Variants in ZNF235 observed in about 807,000 individuals in gnomAD.
The protein encoded by ZNF235 is zinc finger protein 235.
A neutral mutation model predicts 29.4 loss-of-function variants in ZNF235; 25 were observed. That is an observed-to-expected ratio of 0.85 (90% CI 0.62 to 1.19). The LOEUF is 1.19. Ranked by LOEUF, ZNF235 falls within the 50% of genes most tolerant of loss-of-function variation. The pLI, the probability that ZNF235 is intolerant of heterozygous loss-of-function variation, is 0.00. For synonymous variants in ZNF235, 300 were observed against 295.3 expected (o/e 1.02, Z -0.16); for missense variants, 788 against 885.0 (o/e 0.89, Z 1.39).
chr19:44,295,208 A>C (rs190061110), intron 4 of ZNF235, among the ~76,000 whole-genome samples: 176 of 152,292 alleles, frequency 1.2e-3, no homozygotes, highest in Admixed American at 3.2e-3. Context: ...CCTCCAAAAG[A>C]ATCCTAGATT....
chr19:44,293,413 G>A (rs1402595505), intron 4 of ZNF235, among the ~76,000 whole-genome samples: 1 of 150,866 alleles, frequency 6.6e-6, no homozygotes, highest in Non-Finnish European at 1.5e-5. Context: ...CAAACATCAG[G>A]GCACCCAAAT....
chr19:44,289,011 G>A lies in ZNF235; in HGVS notation c.424C>T (p.Gln142Ter), dbSNP rs138793739. 6.2e-7 allele frequency: 1 copy of A among 1,614,132 alleles called. No individual in the cohort carries two copies. The highest frequency in any genetic ancestry group is 1.3e-5 in the African/African-American group (1 of 75,050). Residue 142 changes from glutamine (Q) to a stop codon, truncating the protein, a stop_gained, in exon 5 of 5, where the codon CAA (glutamine) becomes TAA (stop). Coordinates refer to ENST00000291182, the MANE Select transcript of ZNF235 (RefSeq NM_004234.4). LOFTEE classifies it low-confidence loss of function (END_TRUNC). ...QFPKHHDSPC[Q>*]VGAGESIQAS... Reference sequence around the variant, plus strand: ...TGAATAGATTCTCCTGCTCCCACTTGACAGGGGGAATCATGGTGCTTGGGG... The same window carrying A: ...TGAATAGATTCTCCTGCTCCCACTTAACAGGGGGAATCATGGTGCTTGGGG...
intron 4 of ZNF235, among the ~76,000 whole-genome samples, chr19:44,296,115 T>A (rs4802218): frequency 6.6e-6 from 1 of 151,930 alleles, no homozygotes; most frequent in Admixed American, 6.6e-5. Flanking sequence ...TAAATACATA[T>A]GAGCCCATAC....
chr19:44,304,753 C>G (rs1005172472), intron 1 of ZNF235: 2 of 985,334 alleles, frequency 2.0e-6, no homozygotes, highest in African/African-American at 1.7e-5. Context: ...TGCGTGAGGA[C>G]GGCTAGGGCA....
intron 4 of ZNF235, among the ~76,000 whole-genome samples, chr19:44,297,527 G>A (rs1422062725): frequency 2.6e-5 from 4 of 152,096 alleles, no homozygotes; most frequent in Non-Finnish European, 5.9e-5. Flanking sequence ...GCAATGGTGC[G>A]ATTTCGGCTC....
At chr19:44,290,299 A>T (rs1344816534) in intron 4 of ZNF235, 1 of 153,626 alleles carries the variant, frequency 6.5e-6, no homozygotes, top group Non-Finnish European at 1.4e-5. Flanking sequence ...CATTGGGAAA[A>T]GACACTTGTC....
chr19:44,300,896 A>AT (rs1555800266), intron 2 of ZNF235, among the ~76,000 whole-genome samples: 1 of 151,970 alleles, frequency 6.6e-6, no homozygotes, highest in Non-Finnish European at 1.5e-5. Flanking sequence ...ATTGTAAAAA[A>AT]ATATATATAC....
intron 4 of ZNF235, among the ~76,000 whole-genome samples, chr19:44,294,337 T>C (rs1315018559): frequency 2.0e-5 from 3 of 152,026 alleles, no homozygotes; most frequent in Admixed American, 2.0e-4. Context: ...CCTCCCAAGA[T>C]TGAGCCCATC....
intron 4 of ZNF235, among the ~76,000 whole-genome samples, chr19:44,291,594 GTA>G (rs1214464335): frequency 2.6e-5 from 4 of 152,090 alleles, no homozygotes; most frequent in African/African-American, 9.7e-5. Flanking sequence ...TATAGATCCT[GTA>G]TATATTATTA....
At position 44,303,412 on chromosome 19, in the gene ZNF235, C is replaced by T. The variant is rs1568648067; in HGVS notation, c.-8G>A. The stretch of plus-strand genomic sequence containing the variant: ...TACCTGGAACTTGGTCATTTTTCCC[C>T]TCCTCCTTCTGGGAAAAGGCAGAGT... On this transcript the variant is annotated 5_prime_UTR_variant, in exon 2 of 5. Transcript: ENST00000291182. 1.2e-6 allele frequency: 2 copies of T among 1,610,444 alleles called. No homozygotes were observed. Among genetic ancestry groups the T allele is most frequent in the East Asian group, 4.5e-5 (2 of 44,684 alleles).
rs1410685315 is a variant in ZNF235 at position 44,286,706 on chromosome 19, G to A, written c.*512C>T. 6.6e-6 allele frequency: 1 copy of A among 152,290 alleles called. No homozygotes were observed. The highest frequency in any genetic ancestry group is 6.5e-5 in the Admixed American group (1 of 15,270). The allele number at this position is 152,290 out of a possible 1,614,324, so 9.4% of individuals were successfully genotyped here. ...TATAAATTAATATAAATTTAGAGTA[G>A]AAAACAGACTAGAATTTTCAAGTAT... is the stretch of plus-strand genomic sequence containing the variant. On this transcript the variant is annotated 3_prime_UTR_variant, in exon 5 of 5. Coordinates refer to ENST00000291182, the MANE Select transcript of ZNF235 (RefSeq NM_004234.4).
chr19:44,299,554 T>C, intron 3 of ZNF235, 52 bp downstream of exon 3: 2 of 1,604,520 alleles, frequency 1.2e-6, no homozygotes, highest in Non-Finnish European at 1.7e-6. Context: ...AAAACATCAA[T>C]GGCATGGAGG....
Position 44,289,031 on chromosome 19 carries a change from T to C in ZNF235, c.404A>G (p.Lys135Arg), listed in dbSNP as rs1331358906. The C allele has an allele frequency of 6.2e-7, 1 of 1,614,030 alleles. No individual in the cohort carries two copies. The highest frequency in any genetic ancestry group is 1.3e-5 in the African/African-American group (1 of 74,924). Reference protein sequence around the residue: ...NIEGKSSQFPKHHDSPCQVGA... With the variant: ...NIEGKSSQFPRHHDSPCQVGA... ...CACTTGACAGGGGGAATCATGGTGCTTGGGGAACTGAGAGCTCTTTCCTTC... is the reference window on the plus strand; with the variant it reads ...CACTTGACAGGGGGAATCATGGTGCCTGGGGAACTGAGAGCTCTTTCCTTC... The change falls in exon 5 of 5, where the codon AAG (lysine) becomes AGG (arginine). Residue 135 changes from lysine (K) to arginine (R), a missense_variant. By Grantham distance (26) the Lys-to-Arg change is conservative (BLOSUM62 2). Coordinates refer to ENST00000291182, the MANE Select transcript of ZNF235 (RefSeq NM_004234.4).
chr19:44,288,408 C>T lies in ZNF235; in HGVS notation c.1027G>A (p.Gly343Arg). 6.2e-7 allele frequency: 1 copy of T among 1,614,074 alleles called. No individual in the cohort carries two copies. Residue 343 changes from glycine (G) to arginine (R), a missense_variant, in exon 5 of 5, where the codon GGG becomes AGG. Physicochemically the swap from Gly to Arg is moderately radical, Grantham distance 125. Transcript: ENST00000291182. ...NLQTHQRVHT[G>R]EKPYTCHECG... is the part of the protein sequence containing the mutation. ...TCGTGGCATGTATAGGGTTTCTCCC[C>T]TGTGTGGACTCTCTGATGAGTTTGC...
chr19:44,302,969 TATATGTATATA>T (rs1469183014), intron 2 of ZNF235, among the ~76,000 whole-genome samples: 18 of 131,966 alleles, frequency 1.4e-4, no homozygotes, highest in Admixed American at 6.0e-4. Flanking sequence ...TATATACGTA[TATATGTATATA>T]TTTATATATA....
Position 44,287,443 on chromosome 19 carries a change from G to T in ZNF235, c.1992C>A (p.Phe664Leu), listed in dbSNP as rs761952661. The T allele has an allele frequency of 1.2e-6, 2 of 1,613,744 alleles. No homozygotes were observed. The highest frequency in any genetic ancestry group is 1.7e-6 in the Non-Finnish European group (2 of 1,179,872). Residue 664 changes from phenylalanine (F) to leucine (L), a missense_variant, in exon 5 of 5, where the codon TTC becomes TTA. Physicochemically the swap from Phe to Leu is conservative, Grantham distance 22 (BLOSUM62 0). Transcript: ENST00000291182. ...PFKCEECGKEFSWSAGLSAHQ... is the reference protein window; with the variant it reads ...PFKCEECGKELSWSAGLSAHQ... ...GGGCACTGAGACCAGCACTCCAACT[G>T]AATTCTTTCCCACATTCCTCACATT...
chr19:44,289,282 C>G, intron 4 of ZNF235, 86 bp from the exon 5 acceptor site: 1 of 1,265,656 alleles, frequency 7.9e-7, no homozygotes, highest in South Asian at 1.8e-5. Flanking sequence ...TCTCATTTTC[C>G]CCATGGAAAC....
chr19:44,298,706 T>A, intron 4 of ZNF235, 102 bp downstream of exon 4: 3 of 918,298 alleles, frequency 3.3e-6, no homozygotes, highest in South Asian at 1.7e-5. Flanking sequence ...ATGACAGATG[T>A]TTTTTAAAAA....
intron 4 of ZNF235, among the ~76,000 whole-genome samples, chr19:44,294,899 T>A (rs1282004520): frequency 6.6e-6 from 1 of 152,108 alleles, no homozygotes. Context: ...CCTCTCATGA[T>A]AAAAACCTTT....
Sources: allele counts gnomAD v4.1 joint callset (sites outside exome capture counted in the v4.1 genomes callset), GRCh38; gene constraint gnomAD v4.1.1; transcripts MANE v1.5; gene names NCBI Gene and HGNC (gene_info 2026-07-23, HGNC 2026-07-21).